The following RGS6 variants were observed in gnomAD, a reference collection of about 807,000 sequenced individuals.
RGS6 encodes regulator of G-protein signaling 6.
A neutral mutation model predicts 78.5 loss-of-function variants in RGS6; 30 were observed. The observed-to-expected ratio is 0.38, with a 90% confidence interval of 0.29 to 0.52. The LOEUF is 0.52. Ranked by LOEUF, RGS6 falls within the 20% of genes least tolerant of loss-of-function variation. The probability of loss-of-function intolerance (pLI) is 0.85; values close to 1 mark genes in which losing one functional copy is unlikely to be tolerated. For missense variants in RGS6, 495 were observed against 609.7 expected, an observed-to-expected ratio of 0.81 and a Z score of 1.98; for synonymous variants, 206 against 206.0, an observed-to-expected ratio of 1.00 and a Z score of 0.00.
chr14:71,950,240 C>T (rs2092149182), intron 1 of RGS6, among the ~76,000 whole-genome samples: 1 of 152,082 alleles, frequency 6.6e-6, no homozygotes, highest in African/African-American at 2.4e-5. Flanking sequence ...ACACATAGAC[C>T]AATGGAACAG....
At chr14:71,962,347 T>C (rs2190872) in intron 1 of RGS6, among the ~76,000 whole-genome samples, 126,473 of 152,096 alleles carry the variant, frequency 0.83, 52,714 homozygotes, top group South Asian at 0.89. Context: ...AGGTCATTTC[T>C]AACCTTGCTA....
chr14:72,244,637 C>A (rs1251052751), intron 2 of RGS6, among the ~76,000 whole-genome samples: 1 of 152,118 alleles, frequency 6.6e-6, no homozygotes, highest in African/African-American at 2.4e-5. Context: ...AGAACGAGAC[C>A]TATTGCTGAG....
rs2097699525 is a variant in RGS6 at position 72,564,197 on chromosome 14, G to A, written c.*1730G>A. ...GGAGTCTTCGTTATGTTGTATCCTTGTGAGTTCTTGACTACCATGCCCAAG... is the reference window on the plus strand; with the variant it reads ...GGAGTCTTCGTTATGTTGTATCCTTATGAGTTCTTGACTACCATGCCCAAG... On this transcript the variant is annotated 3_prime_UTR_variant, in exon 18 of 18. Coordinates refer to ENST00000553525, the MANE Select transcript of RGS6 (RefSeq NM_001204424.2). 6.6e-6 allele frequency: 1 copy of A among 152,198 alleles called. No individual in the cohort carries two copies. The highest frequency in any genetic ancestry group is 6.5e-5 in the Admixed American group (1 of 15,278). 9.4% of individuals were successfully genotyped at this position (152,198 alleles called of 1,614,324 possible).
chr14:72,227,969 C>A (rs972508415), intron 2 of RGS6, among the ~76,000 whole-genome samples: 9 of 152,022 alleles, frequency 5.9e-5, no homozygotes, highest in Admixed American at 4.6e-4. Flanking sequence ...TATGAGGGTA[C>A]CAGGAGATCT....
At chr14:72,495,868 G>A (rs1376823845) in intron 13 of RGS6, among the ~76,000 whole-genome samples, 1 of 152,164 alleles carries the variant, frequency 6.6e-6, no homozygotes, top group East Asian at 1.9e-4. Flanking sequence ...GGAAGCCACT[G>A]TGTTTACTTA....
chr14:71,964,777 G>T lies in RGS6; in HGVS notation c.-15G>T. 6.2e-7 allele frequency: 1 copy of T among 1,605,930 alleles called. No individual in the cohort carries two copies. Among genetic ancestry groups the T allele is most frequent in the Non-Finnish European group, 8.5e-7 (1 of 1,175,724 alleles). On this transcript the variant is annotated 5_prime_UTR_variant, in exon 2 of 18. Coordinates refer to ENST00000553525, the MANE Select transcript of RGS6 (RefSeq NM_001204424.2). Reference sequence around the variant, plus strand: ...TTATTCATTTATTTTTGCAGTGTGAGTGAAGACACTCAGGATGGCTCAAGG... The same window carrying T: ...TTATTCATTTATTTTTGCAGTGTGATTGAAGACACTCAGGATGGCTCAAGG...
intron 2 of RGS6, among the ~76,000 whole-genome samples, chr14:72,273,440 G>T (rs2153929980): frequency 6.6e-6 from 1 of 152,128 alleles, no homozygotes; most frequent in East Asian, 1.9e-4. Context: ...CATTAAATTG[G>T]GTCAACAGCT....
intron 2 of RGS6, among the ~76,000 whole-genome samples, chr14:72,164,907 T>C (rs935635568): frequency 2.0e-5 from 3 of 152,240 alleles, no homozygotes; most frequent in Non-Finnish European, 2.9e-5. Flanking sequence ...TGACTGTGCC[T>C]GCCGTCATTT....
rs376967967 is a variant in RGS6, at chr14:72,148,666, G to T, written c.84+183791G>T. 4.6e-5 allele frequency among the ~76,000 whole-genome samples: 7 copies of T among 152,278 alleles called. 2 individuals are homozygous for T. The highest frequency in any genetic ancestry group is 1.7e-4 in the African/African-American group (7 of 41,564). On this transcript the variant is annotated intron_variant, in intron 2 of 17. Transcript: ENST00000553525. ...ACTTGGTATTGATTGAATATGGTGT[G>T]GGGGCAGGGTTATTAGCATGGCCCC...
intron 2 of RGS6, among the ~76,000 whole-genome samples, chr14:72,236,897 C>T (rs2051217443): frequency 6.6e-6 from 1 of 152,202 alleles, no homozygotes; most frequent in Non-Finnish European, 1.5e-5. Flanking sequence ...CAAAGGTGCT[C>T]CTGCTTCCCA....
intron 2 of RGS6, among the ~76,000 whole-genome samples, chr14:71,999,528 G>A (rs1478245242): frequency 6.6e-6 from 1 of 152,302 alleles, no homozygotes; most frequent in South Asian, 2.1e-4. Context: ...ATAGGGTTTG[G>A]CTCTGTGTTC....
intron 2 of RGS6, among the ~76,000 whole-genome samples, chr14:72,144,454 T>A (rs1394968269): frequency 6.6e-6 from 1 of 152,208 alleles, no homozygotes; most frequent in Non-Finnish European, 1.5e-5. Flanking sequence ...AGTGGAAAGA[T>A]GATTGTATTT....
intron 2 of RGS6, among the ~76,000 whole-genome samples, chr14:72,350,422 T>C (rs1213133794): frequency 2.6e-5 from 4 of 152,188 alleles, no homozygotes; most frequent in African/African-American, 9.7e-5. Flanking sequence ...CTGATGTTGA[T>C]CACAGATCTT....
chr14:72,138,170 C>A (rs1452918686), intron 2 of RGS6, among the ~76,000 whole-genome samples: 2 of 152,082 alleles, frequency 1.3e-5, no homozygotes, highest in Non-Finnish European at 2.9e-5. Flanking sequence ...ATAAAAGATA[C>A]AAATATGGAA....
At chr14:72,108,801 G>T (rs1262686096) in intron 2 of RGS6, among the ~76,000 whole-genome samples, 1 of 151,544 alleles carries the variant, frequency 6.6e-6, no homozygotes, top group Non-Finnish European at 1.5e-5. Context: ...TGTCTAGCGT[G>T]TTTTCTTAGT....
At position 72,518,648 on chromosome 14, in the gene RGS6, G is replaced by A. The variant is rs547602684; in HGVS notation, c.1278+111G>A. 3.4e-4 allele frequency: 365 copies of A among 1,084,028 alleles called. 5 individuals carry two copies. In the South Asian group the frequency reaches 5.9e-3, roughly 17 times the overall value. 67.2% of individuals were successfully genotyped at this position (1,084,028 alleles called of 1,614,324 possible). ...GTGGGTAGTTAAAATTTCAGATTTG[G>A]TTATTTTTAAGTTCATCAGTGGAAA... On this transcript the variant is annotated intron_variant, in intron 15 of 17. Transcript: ENST00000553525.
intron 2 of RGS6, among the ~76,000 whole-genome samples, chr14:71,977,208 A>C (rs1310442616): frequency 1.1e-5 from 1 of 90,490 alleles, no homozygotes; most frequent in East Asian, 3.3e-4. Context: ...CCCATTTTGT[A>C]GGTTGCCTGT....
At chr14:72,225,751 T>G (rs545246924) in intron 2 of RGS6, among the ~76,000 whole-genome samples, 1 of 152,314 alleles carries the variant, frequency 6.6e-6, no homozygotes, top group African/African-American at 2.4e-5. Flanking sequence ...TTTGCAAAAA[T>G]AGGGTCATAC....
At chr14:72,241,032 C>T (rs528614459) in intron 2 of RGS6, among the ~76,000 whole-genome samples, 3 of 151,614 alleles carry the variant, frequency 2.0e-5, no homozygotes, top group Non-Finnish European at 4.4e-5. Context: ...TGGCATGCAC[C>T]TGTAATCCCA....
Sources: gnomAD v4.1 joint callset for allele counts (sites outside exome capture counted in the v4.1 genomes callset) on GRCh38, gnomAD v4.1.1 for gene constraint, MANE v1.5 for transcripts, NCBI Gene and HGNC (gene_info 2026-07-23, HGNC 2026-07-21) for gene names.